MID1: variants seen among roughly 807,000 people sequenced by gnomAD.
MID1 encodes midline 1, also known as E3 ubiquitin-protein ligase Midline-1.
In MID1, 7 loss-of-function variants were observed where a neutral mutation model predicts 40.4. That is an observed-to-expected ratio of 0.17 (90% CI 0.10 to 0.33). The LOEUF (loss-of-function observed/expected upper bound fraction) is 0.33. MID1 is among the 10% of genes least tolerant of loss of function. MID1 has a pLI of 1.00. For synonymous variants in MID1, 229 were observed against 221.2 expected (o/e 1.04, Z -0.31); for missense variants, 367 against 558.5 (o/e 0.66, Z 3.46).
intron 1 of MID1, among the ~76,000 whole-genome samples, chrX:10,781,860 T>C (rs773316695): frequency 2.7e-5 from 3 of 112,673 alleles, no homozygotes; most frequent in East Asian, 2.8e-4. Context: ...ACCACTTCTA[T>C]ATCTGCAAGT....
chrX:10,525,772 A>C (rs1387255065), intron 2 of MID1, among the ~76,000 whole-genome samples: 3 of 111,948 alleles, frequency 2.7e-5, no homozygotes, highest in Non-Finnish European at 5.6e-5. Flanking sequence ...AATTCCAGAG[A>C]AGATGTCAGG....
At chrX:10,592,277 A>G (rs1400229106) in intron 1 of MID1, among the ~76,000 whole-genome samples, 1 of 21,886 alleles carries the variant, frequency 4.6e-5, no homozygotes. Context: ...ACTGCGTTAA[A>G]AAAAAAAAAA....
At chrX:10,654,623 A>T (rs1289620280) in intron 1 of MID1, among the ~76,000 whole-genome samples, 1 of 112,190 alleles carries the variant, frequency 8.9e-6, no homozygotes, top group African/African-American at 3.2e-5. Context: ...ATGCTCACTC[A>T]CTGGCCACTC....
chrX:10,506,533 C>G (rs906673026), intron 3 of MID1: 8 of 513,102 alleles, frequency 1.6e-5, no homozygotes, highest in African/African-American at 1.4e-4. Flanking sequence ...CCATCAGGAG[C>G]TGGTTGAAAG....
At chrX:10,800,542 C>T (rs1373268995) in intron 1 of MID1, among the ~76,000 whole-genome samples, 1 of 111,750 alleles carries the variant, frequency 8.9e-6, no homozygotes, top group Non-Finnish European at 1.9e-5. Context: ...CATTTTGCAG[C>T]AGTAGACAAC....
intron 1 of MID1, among the ~76,000 whole-genome samples, chrX:10,611,501 C>T (rs1935736150): frequency 9.0e-6 from 1 of 111,582 alleles, no homozygotes; most frequent in South Asian, 3.7e-4. Flanking sequence ...ATCAGCCTCA[C>T]AGTTTTACTT....
At position 10,744,120 on chromosome X, in the gene MID1, G is replaced by A. The variant is rs546556355; in HGVS notation, c.-187+89434C>T. 5.9e-4 allele frequency among the ~76,000 whole-genome samples: 66 copies of A among 111,667 alleles called. No individual in the cohort carries two copies. In the South Asian group the frequency reaches 0.021, roughly 36 times the overall value. On this transcript the variant is annotated intron_variant, in intron 1 of 10. Coordinates refer to the MID1 transcript ENST00000380785. ...CCCCTTAATAATGGCCAGAGGGGGT[G>A]TGAGCTGTGATAACATCGGCCATGA...
At chrX:10,451,335 G>C (rs1176128611) in intron 9 of MID1, among the ~76,000 whole-genome samples, 1 of 111,627 alleles carries the variant, frequency 9.0e-6, no homozygotes, top group Non-Finnish European at 1.9e-5. Context: ...CCTGATGGCA[G>C]ACAGTAGACG....
intron 2 of MID1, among the ~76,000 whole-genome samples, chrX:10,558,626 C>A (rs1934216415): frequency 1.8e-5 from 2 of 113,083 alleles, no homozygotes; most frequent in Non-Finnish European, 1.9e-5. Flanking sequence ...TGTCCATACA[C>A]TTAACCATTA....
chrX:10,528,472 G>A (rs1321854180), intron 2 of MID1, among the ~76,000 whole-genome samples: 2 of 111,739 alleles, frequency 1.8e-5, no homozygotes, highest in Non-Finnish European at 3.8e-5. Context: ...ATAAAAGATC[G>A]TGTAGTAAAT....
intron 1 of MID1, among the ~76,000 whole-genome samples, chrX:10,697,575 T>C (rs1239552408): frequency 9.0e-6 from 1 of 111,616 alleles, no homozygotes; most frequent in Non-Finnish European, 1.9e-5. Context: ...AGCTCAAATA[T>C]CTTTACTCAT....
chrX:10,687,063 T>A (rs1000875468), intron 1 of MID1, among the ~76,000 whole-genome samples: 3 of 111,640 alleles, frequency 2.7e-5, no homozygotes, highest in Non-Finnish European at 5.6e-5. Flanking sequence ...ATTGCCCGTC[T>A]AATATCCACT....
chrX:10,817,706 G>A (rs2044149475), intron 1 of MID1, among the ~76,000 whole-genome samples: 1 of 100,354 alleles, frequency 1.0e-5, no homozygotes, highest in African/African-American at 3.7e-5. Flanking sequence ...TGCTACCTCT[G>A]CCTCCTGGGT....
At chrX:10,535,581 C>G (rs1476456509) in intron 2 of MID1, among the ~76,000 whole-genome samples, 1 of 111,532 alleles carries the variant, frequency 9.0e-6, no homozygotes, top group East Asian at 2.8e-4. Context: ...GGAATGCTTT[C>G]TTGCATTCGA....
chrX:10,767,994 A>C (rs1374452759), intron 1 of MID1, among the ~76,000 whole-genome samples: 1 of 111,951 alleles, frequency 8.9e-6, no homozygotes, highest in Non-Finnish European at 1.9e-5. Context: ...TGAATGGTTA[A>C]ACAGAAAACT....
chrX:10,547,782 A>G (rs905478543), intron 2 of MID1, among the ~76,000 whole-genome samples: 18 of 111,674 alleles, frequency 1.6e-4, no homozygotes, highest in African/African-American at 5.5e-4. Flanking sequence ...AAAAGCAGTC[A>G]TTGCTGAACC....
intron 1 of MID1, among the ~76,000 whole-genome samples, chrX:10,573,539 C>T (rs1435849290): frequency 8.9e-6 from 1 of 112,266 alleles, no homozygotes; most frequent in Non-Finnish European, 1.9e-5. Flanking sequence ...CACTAGGCCC[C>T]TCCTCCCAAT....
In MID1 at chrX:10,706,638, C is replaced by A. The variant is rs758511551; in HGVS notation, c.-186-86219G>T. Among the ~76,000 whole-genome samples, 244 of 111,493 alleles carry A rather than the reference C, an allele frequency of 2.2e-3. 1 individual carries two copies. Among genetic ancestry groups the A allele is most frequent in the African/African-American group, 7.5e-3 (229 of 30,710 alleles). On this transcript the variant is annotated intron_variant, in intron 1 of 10. Coordinates refer to the MID1 transcript ENST00000380785. ...TTTCCTCAGGCCTCCCCCAGCTATG[C>A]TGAACTGTGAGTCAATTAAACCTAT... is the stretch of plus-strand genomic sequence containing the variant.
intron 1 of MID1, among the ~76,000 whole-genome samples, chrX:10,616,555 C>T (rs1935843158): frequency 8.9e-6 from 1 of 112,382 alleles, no homozygotes; most frequent in South Asian, 3.7e-4. Flanking sequence ...CTATTTACCA[C>T]ACAAACGATC....
Sources: allele counts gnomAD v4.1 joint callset (sites outside exome capture counted in the v4.1 genomes callset), GRCh38; gene constraint gnomAD v4.1.1; transcripts MANE v1.5; gene names NCBI Gene and HGNC (gene_info 2026-07-23, HGNC 2026-07-21).